Variants in DGKA observed in about 807,000 individuals in gnomAD.
DGKA encodes the protein diacylglycerol kinase alpha.
A neutral mutation model predicts 105.0 loss-of-function variants in DGKA; 35 were observed. The observed-to-expected ratio is 0.33, with a 90% CI of 0.25 to 0.44. The LOEUF is 0.44. Among genes scored for constraint, DGKA ranks in the 20% least tolerant of loss-of-function variants. DGKA has a pLI of 1.00. For synonymous variants in DGKA, 296 were observed against 332.0 expected (o/e 0.89, Z 1.18); for missense variants, 665 against 915.0 (o/e 0.73, Z 3.53).
intron 4 of DGKA, 33 bp downstream of exon 4, chr12:55,937,576 T>C: frequency 6.2e-7 from 1 of 1,600,292 alleles, no homozygotes; most frequent in Non-Finnish European, 8.5e-7. Flanking sequence ...GGGCTAAGCC[T>C]CTGGCAGAAA....
chr12:55,938,494 C>T lies in DGKA; in HGVS notation c.350-17C>T, dbSNP rs777667745. On this transcript the variant is annotated splice_polypyrimidine_tract_variant and intron_variant, in intron 5 of 23. Coordinates refer to ENST00000331886, the MANE Select transcript of DGKA (RefSeq NM_001345.5). Reference sequence around the variant, plus strand: ...TCTCTCACAAACTGACCCTGGCCCCCCTAAAACACCCCACAGTCACCTTCA... The same window carrying T: ...TCTCTCACAAACTGACCCTGGCCCCTCTAAAACACCCCACAGTCACCTTCA... 6.8e-6 allele frequency: 11 copies of T among 1,613,852 alleles called. No homozygotes were observed. The highest frequency in any genetic ancestry group is 1.3e-5 in the African/African-American group (1 of 74,886).
chr12:55,947,323 C>A (rs1380692422), intron 17 of DGKA, among the ~76,000 whole-genome samples: 1 of 152,072 alleles, frequency 6.6e-6, no homozygotes, highest in Non-Finnish European at 1.5e-5. Flanking sequence ...TCCCTGACTA[C>A]AATTATAATA....
intron 9 of DGKA, chr12:55,939,871 G>A: frequency 1.5e-5 from 9 of 602,024 alleles, no homozygotes; most frequent in South Asian, 3.8e-5. Flanking sequence ...CACATGGATG[G>A]TGTGGGGCAG....
chr12:55,927,586 G>C, upstream of DGKA: 1 of 1,124,830 alleles, frequency 8.9e-7, no homozygotes, highest in Non-Finnish European at 1.3e-6. Flanking sequence ...AGTGTTTCTA[G>C]GGACGGTTGG....
intron 17 of DGKA, among the ~76,000 whole-genome samples, chr12:55,949,154 G>A (rs560197496): frequency 6.6e-6 from 1 of 151,894 alleles, no homozygotes; most frequent in East Asian, 1.9e-4. Context: ...TCATTTTTCT[G>A]TTTTTACATG....
chr12:55,937,021 C>T lies in DGKA; in HGVS notation c.69C>T (p.Ser23=). 1 of 1,614,102 alleles carries T rather than the reference C, an allele frequency of 6.2e-7. No homozygotes were observed. Among genetic ancestry groups the T allele is most frequent in the South Asian group, 1.1e-5 (1 of 91,088 alleles). ...CTTACTCTCTCTACACCCTAGACTC[C>T]ACCAAAAAGGTCAGTGATGTCCTAA... ...FAQLQKYMEY[S]TKKVSDVLKL... is the part of the protein sequence containing the mutation. Residue 23 remains serine (S), a synonymous_variant, in exon 3 of 24, where the codon TCC becomes TCT. Transcript: ENST00000331886.
upstream of DGKA, among the ~76,000 whole-genome samples, chr12:55,928,959 CAGCCA>C (rs2136272987): frequency 6.6e-6 from 1 of 151,954 alleles, no homozygotes; most frequent in Non-Finnish European, 1.5e-5. Flanking sequence ...AGTTCGAGAC[CAGCCA>C]TGGCCAACAT....
At chr12:55,937,941 G>C (rs764680979) in intron 4 of DGKA, 37 bp from the exon 5 acceptor site, 1 of 1,580,280 alleles carries the variant, frequency 6.3e-7, no homozygotes, top group Admixed American at 1.7e-5. Context: ...CCAAAGTGGA[G>C]GGAGCCCTGA....
At chr12:55,947,012 T>C (rs1592726168) in intron 17 of DGKA, among the ~76,000 whole-genome samples, 2 of 144,382 alleles carry the variant, frequency 1.4e-5, no homozygotes, top group African/African-American at 5.3e-5. Context: ...TGAGGCAGAG[T>C]TTTGCTCTTG....
At chr12:55,950,437 G>T (rs976944309) in intron 17 of DGKA, among the ~76,000 whole-genome samples, 7 of 151,906 alleles carry the variant, frequency 4.6e-5, no homozygotes, top group African/African-American at 1.7e-4. Context: ...CTCCTGAGTA[G>T]CTGGGACTAT....
rs1883844806 is a variant in DGKA, at chr12:55,932,658, G to GT, written c.-82+1315dup. On this transcript the variant is annotated intron_variant, in intron 1 of 23. Transcript: ENST00000331886. This position sits in a 1 kb window ranked among gnomAD's most constrained non-coding sequence, Gnocchi z 4.3. ...CACATCCCCCAACCATGCCAGTATC[G>GT]TAACTTCCTCCTATACTACGCAATG... The GT allele has an allele frequency of 7.2e-6, 5 of 694,324 alleles. No homozygotes were observed. The highest frequency in any genetic ancestry group is 1.3e-5 in the Non-Finnish European group (5 of 380,110). The allele number at this position is 694,324 out of a possible 1,614,324, so 43.0% of individuals were successfully genotyped here. A position where few individuals can be genotyped will look rare whatever the true frequency, so the allele number is the denominator to read the frequency against.
rs762791604 is a variant in DGKA, at chr12:55,951,747, C to G, written c.1551C>G (p.Pro517=). 2.2e-5 allele frequency: 35 copies of G among 1,613,874 alleles called. No homozygotes were observed. The East Asian group carries it at 7.8e-4, about 36-fold the overall frequency. The part of the protein sequence containing the change: ...QQTEEKSDPV[P]FQIINNYFSI... ...CTGAAGAAAAAAGTGACCCAGTCCC[C>G]TTTCAAATCATCAATAACTACTTCT... The change falls in exon 18 of 24, where the codon CCC becomes CCG. Residue 517 remains proline (P), a synonymous_variant. Transcript: ENST00000331886.
At position 55,937,963 on chromosome 12, in the gene DGKA, C is replaced by T; in HGVS notation, c.275-15C>T. ...GGAGGGAGCCCTGACTTCTGATCTG[C>T]TTTTTTGTAACCAGATGTGGTGTGT... On this transcript the variant is annotated splice_polypyrimidine_tract_variant and intron_variant, in intron 4 of 23. Transcript: ENST00000331886. 1.2e-6 allele frequency: 2 copies of T among 1,613,130 alleles called. No individual in the cohort carries two copies. Among genetic ancestry groups the T allele is most frequent in the South Asian group, 1.1e-5 (1 of 91,044 alleles).
chr12:55,938,276 C>A, intron 5 of DGKA: 1 of 670,138 alleles, frequency 1.5e-6, no homozygotes, highest in East Asian at 2.7e-5. Flanking sequence ...CCCATGTAGG[C>A]GGCCTAGGAT....
intron 1 of DGKA, 88 bp downstream of exon 1, chr12:55,931,432 T>A (rs1383811979): frequency 2.6e-5 from 4 of 152,100 alleles, no homozygotes; most frequent in Non-Finnish European, 5.9e-5. Context: ...AGAACATGAG[T>A]CTTGACAGGA....
chr12:55,941,653 T>C, intron 15 of DGKA, 69 bp downstream of exon 15: 1 of 1,503,912 alleles, frequency 6.6e-7, no homozygotes, highest in Non-Finnish European at 9.2e-7. Flanking sequence ...GTTAGGAGAG[T>C]GCAGGAAAGA....
chr12:55,942,402 G>A, intron 17 of DGKA, 139 bp downstream of exon 17: 2 of 773,680 alleles, frequency 2.6e-6, no homozygotes, highest in African/African-American at 3.5e-5. Flanking sequence ...TACAAAAGTG[G>A]AATGTCCAAA....
At chr12:55,937,309 C>T (rs1884956425) in intron 3 of DGKA, 99 bp from the exon 4 acceptor site, 1 of 1,423,854 alleles carries the variant, frequency 7.0e-7, no homozygotes, top group Non-Finnish European at 9.7e-7. Flanking sequence ...AGATGCTTCT[C>T]AGCTCTGCAT....
intron 17 of DGKA, among the ~76,000 whole-genome samples, chr12:55,944,187 C>A (rs1886553919): frequency 6.6e-6 from 1 of 152,192 alleles, no homozygotes; most frequent in African/African-American, 2.4e-5. Context: ...GTAGTCCCAA[C>A]AACTCAGGAG....
Sources: gnomAD v4.1 joint callset for allele counts (sites outside exome capture counted in the v4.1 genomes callset) on GRCh38, gnomAD v4.1.1 for gene constraint, Gnocchi (gnomAD v3.1) non-coding constraint, MANE v1.5 for transcripts, NCBI Gene and HGNC (gene_info 2026-07-23, HGNC 2026-07-21) for gene names.